Variants in GFI1 observed in about 807,000 individuals in gnomAD.
GFI1 encodes growth factor independent 1 transcriptional repressor.
A neutral mutation model predicts 39.2 loss-of-function variants in GFI1; 15 were observed. That is an observed-to-expected ratio of 0.38 (90% CI 0.26 to 0.59). The LOEUF is 0.59. GFI1 is among the 20% of genes least tolerant of loss of function. The pLI is 0.62. For missense variants in GFI1, 475 were observed against 574.0 expected (o/e 0.83, Z 1.76); for synonymous variants, 239 against 254.3 (o/e 0.94, Z 0.57).
chr1:92,476,028 C>T lies in GFI1; in HGVS notation c.*1G>A, dbSNP rs779217753. On this transcript the variant is annotated 3_prime_UTR_variant, in exon 7 of 7. Coordinates refer to ENST00000294702, the MANE Select transcript of GFI1 (RefSeq NM_005263.5). ...CTGCTGCTTGCAGCCAGCCAGGGTGCTCATTTGAGCCCATGCTGCGTCTCC... is the reference window on the plus strand; with the variant it reads ...CTGCTGCTTGCAGCCAGCCAGGGTGTTCATTTGAGCCCATGCTGCGTCTCC... The T allele has an allele frequency of 6.2e-7, 1 of 1,613,802 alleles. No individual in the cohort carries two copies. The highest frequency in any genetic ancestry group is 8.5e-7 in the Non-Finnish European group (1 of 1,179,846).
In GFI1 at chr1:92,483,056, G is replaced by T; in HGVS notation, c.116-10C>A. 6.4e-7 allele frequency: 1 copy of T among 1,574,110 alleles called. No homozygotes were observed. Reference sequence around the variant, plus strand: ...GCATTTGAAGTGCTGTCTGCAAAGAGGAGGCAGGTGAGGGGCTCAGGCTGG... The same window carrying T: ...GCATTTGAAGTGCTGTCTGCAAAGATGAGGCAGGTGAGGGGCTCAGGCTGG... On this transcript the variant is annotated splice_polypyrimidine_tract_variant and intron_variant, in intron 2 of 6. Coordinates refer to ENST00000294702, the MANE Select transcript of GFI1 (RefSeq NM_005263.5).
rs1455870659 is a variant in GFI1 at position 92,480,511 on chromosome 1, G to C, written c.787-26C>G. 6.5e-6 allele frequency: 10 copies of C among 1,548,580 alleles called. No homozygotes were observed. The highest frequency in any genetic ancestry group is 8.7e-6 in the Non-Finnish European group (10 of 1,146,028). ...CTAAGGCGGGTGGGGCCAGAGAGAAGGCCGCTGAGAGGGGCCGCGGGGCGC... is the reference window on the plus strand; with the variant it reads ...CTAAGGCGGGTGGGGCCAGAGAGAACGCCGCTGAGAGGGGCCGCGGGGCGC... On this transcript the variant is annotated intron_variant, in intron 4 of 6. Transcript: ENST00000294702. The surrounding 1 kb of genome is among the most constrained non-coding windows in gnomAD (Gnocchi z 5.6).
rs867808081 is a variant in GFI1 at position 92,482,930 on chromosome 1, T to C, written c.232A>G (p.Ser78Gly). Residue 78 changes from serine to glycine, a missense_variant, in exon 3 of 7, where the codon AGC becomes GGC. This residue lies in a region of GFI1 where 275 missense variants were observed against 275.8 expected (regional missense o/e 1.00). Coordinates refer to ENST00000294702, the MANE Select transcript of GFI1 (RefSeq NM_005263.5). This position sits in a 1 kb window ranked among gnomAD's most constrained non-coding sequence, Gnocchi z 4.4. The part of the protein sequence containing the change: ...ASASPDSCEG[S>G]VCERSSEFED... ...AACTCCGAGCTCCGTTCGCAGACGC[T>C]GCCTTCGCAGCTGTCTGGGGATGCG... 1.9e-6 allele frequency: 3 copies of C among 1,614,032 alleles called. No homozygotes were observed. The highest frequency in any genetic ancestry group is 2.5e-6 in the Non-Finnish European group (3 of 1,179,960).
In GFI1 at chr1:92,485,279, C is replaced by T. The variant is rs116360329; in HGVS notation, c.-100+1447G>A. Among the ~76,000 whole-genome samples, 237 of 152,340 alleles carry T rather than the reference C, an allele frequency of 1.6e-3. 1 individual carries two copies. The highest frequency in any genetic ancestry group is 3.1e-3 in the South Asian group (15 of 4,832). On this transcript the variant is annotated intron_variant, in intron 1 of 6. Transcript: ENST00000294702. ...TGCACTTCTCGTCCGTACAATTAGA[C>T]GCCACAAACCCCAAACCCAATTCTT... is the stretch of plus-strand genomic sequence containing the variant.
chr1:92,483,479 G>A lies in GFI1; in HGVS notation c.9C>T (p.Arg3=). 6.2e-7 allele frequency: 1 copy of A among 1,602,820 alleles called. No individual in the cohort carries two copies. Among genetic ancestry groups the A allele is most frequent in the Non-Finnish European group, 8.5e-7 (1 of 1,170,728 alleles). The change falls in exon 2 of 7, where the codon CGC becomes CGT. Residue 3 remains arginine (R), a synonymous_variant. Coordinates refer to ENST00000294702, the MANE Select transcript of GFI1 (RefSeq NM_005263.5). ...CCTTCTTGCTTTTGACGAGAAATGAGCGCGGCATGGTGGTCCGGCACTTTC... is the reference window on the plus strand; with the variant it reads ...CCTTCTTGCTTTTGACGAGAAATGAACGCGGCATGGTGGTCCGGCACTTTC... MP[R]SFLVKSKKAH...
At position 92,484,344 on chromosome 1, in the gene GFI1, T is replaced by A. The variant is rs1658429815; in HGVS notation, c.-99-758A>T. On this transcript the variant is annotated intron_variant, in intron 1 of 6. Coordinates refer to ENST00000294702, the MANE Select transcript of GFI1 (RefSeq NM_005263.5). The surrounding 1 kb of genome is among the most constrained non-coding windows in gnomAD (Gnocchi z 4.1). ...GAAACTTTGCCCTTGGACTCCCGGC[T>A]GCGGCGGGCACCGGTCGAGGCTGCG... 6.6e-6 allele frequency: 1 copy of A among 152,648 alleles called. No individual in the cohort carries two copies. Among genetic ancestry groups the A allele is most frequent in the African/African-American group, 2.4e-5 (1 of 41,418 alleles). 9.5% of individuals were successfully genotyped at this position (152,648 alleles called of 1,614,324 possible).
rs200577201 is a variant in GFI1, at chr1:92,482,962, C to T, written c.200G>A (p.Arg67Lys). Residue 67 changes from arginine (R) to lysine (K), a missense_variant, in exon 3 of 7, where the codon AGA becomes AAA. This residue lies in a region of GFI1 where 275 missense variants were observed against 275.8 expected (regional missense o/e 1.00). Transcript: ENST00000294702. The surrounding 1 kb of genome is among the most constrained non-coding windows in gnomAD (Gnocchi z 4.4). ...GCAGCTGTCTGGGGATGCGGAGGCT[C>T]TGTCTGGGGCTTCGGTCAGCTGCGA... ...PESQLTEAPD[R>K]ASASPDSCEG... The T allele has an allele frequency of 3.5e-5, 56 of 1,613,346 alleles. No homozygotes were observed. The African/African-American group carries it at 7.2e-4, about 21-fold the overall frequency.
rs1657822962 is a variant in GFI1 at position 92,473,546 on chromosome 1, A to C, written c.*2483T>G. Among the ~76,000 whole-genome samples the C allele has an allele frequency of 6.6e-6, 1 of 152,200 alleles. No homozygotes were observed. The highest frequency in any genetic ancestry group is 1.5e-5 in the Non-Finnish European group (1 of 68,050). ...CTCCATTACAGAGTAAACGAATTTA[A>C]ATTCTGAATGAGAGTAAACTGACAT... On this transcript the variant is annotated 3_prime_UTR_variant, in exon 7 of 7. Coordinates refer to ENST00000294702, the MANE Select transcript of GFI1 (RefSeq NM_005263.5).
chr1:92,483,520 G>A lies in GFI1; in HGVS notation c.-33C>T. 7.9e-7 allele frequency: 1 copy of A among 1,266,504 alleles called. No individual in the cohort carries two copies. The highest frequency in any genetic ancestry group is 1.1e-6 in the Non-Finnish European group (1 of 875,270). 78.5% of individuals were successfully genotyped at this position (1,266,504 alleles called of 1,614,324 possible). On this transcript the variant is annotated 5_prime_UTR_variant, in exon 2 of 7. Coordinates refer to ENST00000294702, the MANE Select transcript of GFI1 (RefSeq NM_005263.5). ...CGGCACTTTCCCCACTGCGCCCCAA[G>A]AGTCCCTGGAGCCGCTGTCACCCAC...
At position 92,481,952 on chromosome 1, in the gene GFI1, T is replaced by TGTGAGCGCGC. The variant is rs200635146; in HGVS notation, c.299-865_299-864insGCGCGCTCAC. On this transcript the variant is annotated intron_variant, in intron 3 of 6. Transcript: ENST00000294702. The surrounding 1 kb of genome is among the most constrained non-coding windows in gnomAD (Gnocchi z 4.3). ...ATTTACAAATGTGTGTGTGTGTGTGTGCGCACAACACTCCAGTTCAGGCTG... is the reference window on the plus strand; with the variant it reads ...ATTTACAAATGTGTGTGTGTGTGTGTGTGAGCGCGCGCGCACAACACTCCAGTTCAGGCTG... 6.7e-6 allele frequency among the ~76,000 whole-genome samples: 1 copy of TGTGAGCGCGC among 148,802 alleles called. No individual in the cohort carries two copies. Among genetic ancestry groups the TGTGAGCGCGC allele is most frequent in the Non-Finnish European group, 1.5e-5 (1 of 67,580 alleles).
chr1:92,473,266 G>A lies in GFI1; in HGVS notation c.*2763C>T, dbSNP rs2101543505. The stretch of plus-strand genomic sequence containing the variant: ...CAGGGATAACAAAAATGGACCAAAT[G>A]TTCTAAACGTCATAAGGGAAGAGCA... On this transcript the variant is annotated 3_prime_UTR_variant, in exon 7 of 7. Transcript: ENST00000294702. Among the ~76,000 whole-genome samples, 1 of 151,312 alleles carries A rather than the reference G, an allele frequency of 6.6e-6. No individual in the cohort carries two copies. Among genetic ancestry groups the A allele is most frequent in the Middle Eastern group, 3.5e-3 (1 of 288 alleles).
In GFI1 at chr1:92,480,204, A is replaced by C. The variant is rs1374483704; in HGVS notation, c.924+144T>G. 1.1e-6 allele frequency: 1 copy of C among 905,402 alleles called. No individual in the cohort carries two copies. The highest frequency in any genetic ancestry group is 2.7e-5 in the East Asian group (1 of 37,592). 56.1% of individuals were successfully genotyped at this position (905,402 alleles called of 1,614,324 possible). A position where few individuals can be genotyped will look rare whatever the true frequency, so the allele number is the denominator to read the frequency against. On this transcript the variant is annotated intron_variant, in intron 5 of 6. Transcript: ENST00000294702. This position sits in a 1 kb window ranked among gnomAD's most constrained non-coding sequence, Gnocchi z 5.6. ...TTTCCCTACACACCTGCACCAGGGC[A>C]AGGGGACGCAGCGGAGGGCTTGGGG...
rs1475018499 is a variant in GFI1, at chr1:92,480,986, T to G, written c.401A>C (p.His134Pro). 2.5e-6 allele frequency: 4 copies of G among 1,606,484 alleles called. No homozygotes were observed. The East Asian group carries it at 9.0e-5, about 36-fold the overall frequency. ...WSGLAGSDLR[H>P]LVQSYRPCGA... is the part of the protein sequence containing the mutation. ...ACACGGTCGGTAGCTCTGCACCAGG[T>G]GCCGCAGGTCAGAACCCGCCAGGCC... The change falls in exon 4 of 7, where the codon CAC becomes CCC. Residue 134 changes from histidine (H) to proline (P), a missense_variant. His to Pro is a moderately conservative substitution (Grantham distance 77). Around this residue, in one of 4 missense-constraint regions of GFI1, gnomAD observed 275 missense variants for 275.8 expected, o/e 1.00. Coordinates refer to ENST00000294702, the MANE Select transcript of GFI1 (RefSeq NM_005263.5). The surrounding 1 kb of genome is among the most constrained non-coding windows in gnomAD (Gnocchi z 5.6).
In GFI1 at chr1:92,480,444, C is replaced by T. The variant is rs1436303195; in HGVS notation, c.828G>A (p.Arg276=). Residue 276 remains arginine, a synonymous_variant, in exon 5 of 7, where the codon AGG becomes AGA. Transcript: ENST00000294702. This position sits in a 1 kb window ranked among gnomAD's most constrained non-coding sequence, Gnocchi z 5.6. ...CAAAGGGTCTGGTACCGCTGTGGGACCTGCGCACGTGCACCTCGAGCCCGT... is the reference window on the plus strand; with the variant it reads ...CAAAGGGTCTGGTACCGCTGTGGGATCTGCGCACGTGCACCTCGAGCCCGT... The part of the protein sequence containing the change: ...TPHGLEVHVR[R]SHSGTRPFAC... 4 of 1,550,278 alleles carry T rather than the reference C, an allele frequency of 2.6e-6. No homozygotes were observed. In the African/African-American group the frequency reaches 5.5e-5, roughly 21 times the overall value.
Position 92,482,691 on chromosome 1 carries a change from G to T in GFI1, c.298+173C>A, listed in dbSNP as rs757835650. 2.6e-5 allele frequency among the ~76,000 whole-genome samples: 4 copies of T among 152,216 alleles called. No individual in the cohort carries two copies. The highest frequency in any genetic ancestry group is 5.9e-5 in the Non-Finnish European group (4 of 68,034). On this transcript the variant is annotated intron_variant, in intron 3 of 6. Transcript: ENST00000294702. The surrounding 1 kb of genome is among the most constrained non-coding windows in gnomAD (Gnocchi z 4.4). ...AGGCAGCAGCCCCAGCGGGCAAGCTGTCCAAGTCCCAGAGAAGCCGGATGC... is the reference window on the plus strand; with the variant it reads ...AGGCAGCAGCCCCAGCGGGCAAGCTTTCCAAGTCCCAGAGAAGCCGGATGC...
chr1:92,481,184 G>A lies in GFI1; in HGVS notation c.299-96C>T. The A allele has an allele frequency of 9.2e-7, 1 of 1,081,218 alleles. No homozygotes were observed. The highest frequency in any genetic ancestry group is 1.4e-6 in the Non-Finnish European group (1 of 727,576). The allele number at this position is 1,081,218 out of a possible 1,614,324, so 67.0% of individuals were successfully genotyped here. ...CGAGCGTGGCGTGTTCGCGGACTGC[G>A]GGGCACCCAGCGCTTGTAGAACACT... On this transcript the variant is annotated intron_variant, in intron 3 of 6. Coordinates refer to ENST00000294702, the MANE Select transcript of GFI1 (RefSeq NM_005263.5). This position sits in a 1 kb window ranked among gnomAD's most constrained non-coding sequence, Gnocchi z 4.3.
At chr1:92,486,285 G>A (rs1658524077) in intron 1 of GFI1, among the ~76,000 whole-genome samples, 1 of 152,180 alleles carries the variant, frequency 6.6e-6, no homozygotes, top group African/African-American at 2.4e-5. Context: ...CCCGTCCCGC[G>A]CGCCCCTTAG....
rs764178454 is a variant in GFI1, at chr1:92,482,473, C to T, written c.298+391G>A. 2.6e-5 allele frequency among the ~76,000 whole-genome samples: 4 copies of T among 152,196 alleles called. No homozygotes were observed. The highest frequency in any genetic ancestry group is 5.9e-5 in the Non-Finnish European group (4 of 68,042). ...TAGCTCCTCTGCCTGGCCCGTTCTG[C>T]CCTGTTCTCTGTTTGAGGTTTGGGG... On this transcript the variant is annotated intron_variant, in intron 3 of 6. Coordinates refer to ENST00000294702, the MANE Select transcript of GFI1 (RefSeq NM_005263.5). This position sits in a 1 kb window ranked among gnomAD's most constrained non-coding sequence, Gnocchi z 4.4.
In GFI1 at chr1:92,475,729, T is replaced by G. The variant is rs1478376965; in HGVS notation, c.*300A>C. 4.6e-6 allele frequency: 2 copies of G among 438,458 alleles called. No individual in the cohort carries two copies. The highest frequency in any genetic ancestry group is 7.0e-5 in the Admixed American group (2 of 28,758). The allele number at this position is 438,458 out of a possible 1,614,324, so 27.2% of individuals were successfully genotyped here. The stretch of plus-strand genomic sequence containing the variant: ...TGGGAAGGACTGTGGGGTCTAAGAT[T>G]TATTCTGGTCCCCATTTGACTTTGC... On this transcript the variant is annotated 3_prime_UTR_variant, in exon 7 of 7. Transcript: ENST00000294702.
Sources: gnomAD v4.1 joint callset for allele counts (sites outside exome capture counted in the v4.1 genomes callset) on GRCh38, gnomAD v4.1.1 for gene constraint, gnomAD v4.1.1 regional missense constraint, Gnocchi (gnomAD v3.1) non-coding constraint, MANE v1.5 for transcripts, NCBI Gene and HGNC (gene_info 2026-07-23, HGNC 2026-07-21) for gene names.